Variants in CEP128 observed in about 807,000 individuals in gnomAD.
CEP128 encodes centrosomal protein 128kDa.
Under a neutral mutation model 156.7 loss-of-function variants are expected in CEP128, and 132 were observed. That is an observed-to-expected ratio of 0.84 (90% CI 0.73 to 0.97). The LOEUF is 0.97. Ranked by LOEUF, CEP128 falls within the 50% of genes least tolerant of loss-of-function variation. The pLI is 0.00. For missense variants in CEP128, 1,252 were observed against 1,281.9 expected (o/e 0.98, Z 0.36); for synonymous variants, 469 against 448.9 (o/e 1.04, Z -0.57).
At chr14:80,596,842 A>AG (rs1555379469) in intron 19 of CEP128, among the ~76,000 whole-genome samples, 184 of 69,858 alleles carry the variant, frequency 2.6e-3, no homozygotes, top group African/African-American at 6.6e-3. Context: ...AAAAAAAAAA[A>AG]GGTGGGGGGG....
chr14:80,517,368 A>T (rs1469626766), intron 23 of CEP128, among the ~76,000 whole-genome samples: 1 of 152,118 alleles, frequency 6.6e-6, no homozygotes, highest in Admixed American at 6.5e-5. Context: ...CATGTTACAG[A>T]TCTCCCTCTG....
intron 14 of CEP128, among the ~76,000 whole-genome samples, chr14:80,480,255 G>C (rs946314563): frequency 1.3e-5 from 2 of 152,190 alleles, no homozygotes; most frequent in African/African-American, 4.8e-5. Flanking sequence ...GGTTCTCCAT[G>C]AGAACCTTGC....
At chr14:80,788,614 T>C (rs1337084889) in intron 14 of CEP128, among the ~76,000 whole-genome samples, 1 of 152,122 alleles carries the variant, frequency 6.6e-6, no homozygotes, top group Non-Finnish European at 1.5e-5. Flanking sequence ...TATCCTCTTA[T>C]TCACAGCATC....
intron 8 of CEP128, among the ~76,000 whole-genome samples, chr14:80,864,071 C>T (rs1887649601): frequency 6.6e-6 from 1 of 152,168 alleles, no homozygotes; most frequent in South Asian, 2.1e-4. Context: ...GGCGGAAGAC[C>T]TTTATGATGA....
At chr14:80,746,896 G>T (rs541950048) in intron 18 of CEP128, among the ~76,000 whole-genome samples, 1 of 152,108 alleles carries the variant, frequency 6.6e-6, no homozygotes, top group African/African-American at 2.4e-5. Flanking sequence ...AAAGACAAAT[G>T]ATGCCATTTT....
intron 16 of CEP128, among the ~76,000 whole-genome samples, chr14:80,766,479 A>T (rs577157845): frequency 6.6e-6 from 1 of 152,296 alleles, no homozygotes; most frequent in South Asian, 2.1e-4. Context: ...TAAAGATTAT[A>T]AGGAGATAGA....
At chr14:80,773,899 T>C (rs1900647370) in intron 16 of CEP128, among the ~76,000 whole-genome samples, 1 of 152,212 alleles carries the variant, frequency 6.6e-6, no homozygotes, top group African/African-American at 2.4e-5. Flanking sequence ...AAATTCTTTC[T>C]ATAATATTTC....
intron 19 of CEP128, among the ~76,000 whole-genome samples, chr14:80,636,990 G>A (rs544839884): frequency 1.8e-4 from 27 of 152,060 alleles, no homozygotes; most frequent in African/African-American, 6.3e-4. Flanking sequence ...GAAGGCTAAG[G>A]CAGGAGAATC....
At chr14:80,542,349 G>T (rs1347212736) in intron 21 of CEP128, among the ~76,000 whole-genome samples, 2 of 151,976 alleles carry the variant, frequency 1.3e-5, no homozygotes, top group Non-Finnish European at 2.9e-5. Flanking sequence ...GATACATTTA[G>T]AACTTAGAAA....
At chr14:80,504,314 C>G (rs1291472897) in intron 24 of CEP128, among the ~76,000 whole-genome samples, 1 of 152,276 alleles carries the variant, frequency 6.6e-6, no homozygotes, top group Non-Finnish European at 1.5e-5. Flanking sequence ...GTGCTCATAA[C>G]AGAGACTACA....
chr14:80,765,922 C>T (rs1323187230), intron 16 of CEP128, among the ~76,000 whole-genome samples: 1 of 152,120 alleles, frequency 6.6e-6, no homozygotes, highest in Non-Finnish European at 1.5e-5. Flanking sequence ...TTTAGAAAAA[C>T]AATGTGAAAA....
chr14:80,629,974 T>C (rs992569565), intron 19 of CEP128, among the ~76,000 whole-genome samples: 2 of 152,002 alleles, frequency 1.3e-5, no homozygotes, highest in Admixed American at 1.3e-4. Context: ...GATGAATTCA[T>C]GTAGCTTGTA....
intron 16 of CEP128, among the ~76,000 whole-genome samples, chr14:80,764,265 G>A (rs1333790221): frequency 3.3e-5 from 5 of 152,062 alleles, no homozygotes; most frequent in South Asian, 2.1e-4. Flanking sequence ...TTGGGAGGCC[G>A]AGGCGGGTGG....
rs1896094549 is a variant in CEP128 at position 80,677,150 on chromosome 14, G to A, written c.2806+65925C>T. 2.0e-5 allele frequency among the ~76,000 whole-genome samples: 3 copies of A among 152,140 alleles called. No individual in the cohort carries two copies. The South Asian group carries it at 6.2e-4, about 32-fold the overall frequency. ...ACTTGGAGTGTATGTGTAAGGAGGG[G>A]AGTACATGCACGTTTCCATCTGCTT... is the stretch of plus-strand genomic sequence containing the variant. On this transcript the variant is annotated intron_variant, in intron 19 of 24. Coordinates refer to ENST00000555265, the MANE Select transcript of CEP128 (RefSeq NM_152446.5).
chr14:80,684,763 A>G (rs1896462450), intron 19 of CEP128, among the ~76,000 whole-genome samples: 1 of 152,034 alleles, frequency 6.6e-6, no homozygotes, highest in Non-Finnish European at 1.5e-5. Context: ...AAGAAAAAGA[A>G]AGCTTCATTC....
At chr14:80,754,934 C>G (rs1899578476) in intron 18 of CEP128, among the ~76,000 whole-genome samples, 1 of 152,120 alleles carries the variant, frequency 6.6e-6, no homozygotes, top group Non-Finnish European at 1.5e-5. Flanking sequence ...CCTTAATGAC[C>G]ATGTGATGGT....
chr14:80,542,937 A>G (rs888023189), intron 21 of CEP128, among the ~76,000 whole-genome samples: 2 of 152,158 alleles, frequency 1.3e-5, no homozygotes, highest in African/African-American at 4.8e-5. Context: ...ATAAAGGGCT[A>G]TTTTCTTTTT....
chr14:80,483,556 G>A, intron 14 of CEP128, among the ~76,000 whole-genome samples: 1 of 152,210 alleles, frequency 6.6e-6, no homozygotes, highest in East Asian at 1.9e-4. Context: ...ATACAGTCAA[G>A]CTAGTGGTTC....
chr14:80,942,434 G>A (rs2139642433), upstream of CEP128: 1 of 152,298 alleles, frequency 6.6e-6, no homozygotes, highest in Non-Finnish European at 1.5e-5. Flanking sequence ...CAGTCACGAA[G>A]AGAATGAAAA....
Sources: gnomAD v4.1 joint callset for allele counts (sites outside exome capture counted in the v4.1 genomes callset) on GRCh38, gnomAD v4.1.1 for gene constraint, MANE v1.5 for transcripts, NCBI Gene and HGNC (gene_info 2026-07-23, HGNC 2026-07-21) for gene names.